CNPY1: variants seen among roughly 807,000 people sequenced by gnomAD.
The protein encoded by CNPY1 is canopy FGF signaling regulator 1, also known as protein canopy homolog 1.
In CNPY1, 14 loss-of-function variants were observed where a neutral mutation model predicts 14.4. That is an observed-to-expected ratio of 0.97 (90% CI 0.64 to 1.52). The LOEUF (loss-of-function observed/expected upper bound fraction) is 1.52, where lower values mean the gene tolerates loss of function less well. Among genes scored for constraint, CNPY1 ranks in the 40% most tolerant of loss-of-function variants. The pLI, the probability that CNPY1 is intolerant of heterozygous loss-of-function variation, is 0.00. For synonymous variants in CNPY1, 43 were observed against 46.5 expected, an observed-to-expected ratio of 0.92 and a Z score of 0.31; for missense variants, 129 against 131.5, an observed-to-expected ratio of 0.98 and a Z score of 0.09.
intron 2 of CNPY1, among the ~76,000 whole-genome samples, chr7:155,538,518 TC>T (rs145308927): frequency 0.027 from 4,115 of 151,270 alleles, 192 homozygotes; most frequent in African/African-American, 0.095. Flanking sequence ...ACTCTGCCCC[TC>T]CTCACGTGCC....
intron 2 of CNPY1, among the ~76,000 whole-genome samples, chr7:155,527,054 C>CTTTCTTTCTTTTTTTTTTTT (rs56296833): frequency 4.4e-5 from 4 of 90,344 alleles, no homozygotes; most frequent in South Asian, 4.3e-4. Context: ...TTCTTTCTTT[C>CTTTCTTTCTTTTTTTTTTTT]TTTTTTTTTT....
intron 2 of CNPY1, among the ~76,000 whole-genome samples, chr7:155,515,512 G>A (rs902417028): frequency 6.6e-6 from 1 of 152,142 alleles, no homozygotes; most frequent in Non-Finnish European, 1.5e-5. Flanking sequence ...CCCGGGGACC[G>A]CAGGGTGTCT....
intron 2 of CNPY1, among the ~76,000 whole-genome samples, chr7:155,521,527 AG>A: frequency 6.6e-6 from 1 of 152,358 alleles, no homozygotes; most frequent in African/African-American, 2.4e-5. Context: ...CTGTCCTCCC[AG>A]CACTTGTGGT....
intron 2 of CNPY1, among the ~76,000 whole-genome samples, chr7:155,537,115 C>T (rs1371131753): frequency 1.3e-5 from 2 of 152,194 alleles, no homozygotes; most frequent in Non-Finnish European, 2.9e-5. Context: ...ACTCCGCATG[C>T]TAACATCTTC....
At chr7:155,512,652 T>G (rs1434031798) in intron 2 of CNPY1, among the ~76,000 whole-genome samples, 1 of 152,244 alleles carries the variant, frequency 6.6e-6, no homozygotes, top group Non-Finnish European at 1.5e-5. Flanking sequence ...TCTCTGTTAA[T>G]CTTGTAGTAA....
intron 2 of CNPY1, among the ~76,000 whole-genome samples, chr7:155,539,447 C>T (rs60369558): frequency 0.27 from 41,305 of 152,086 alleles, 5,700 homozygotes; most frequent in East Asian, 0.29. Flanking sequence ...AGGAAAATTG[C>T]TGATGGACTG....
intron 2 of CNPY1, among the ~76,000 whole-genome samples, chr7:155,520,991 G>A (rs2116715122): frequency 6.6e-6 from 1 of 151,402 alleles, no homozygotes; most frequent in East Asian, 2.0e-4. Flanking sequence ...GCCTGGCGTG[G>A]TGGCACATAT....
chr7:155,506,207 G>A (rs1796301332), intron 4 of CNPY1, among the ~76,000 whole-genome samples: 1 of 152,150 alleles, frequency 6.6e-6, no homozygotes, highest in African/African-American at 2.4e-5. Context: ...TTGTTTAAAA[G>A]TACCCCACTG....
intron 2 of CNPY1, among the ~76,000 whole-genome samples, chr7:155,534,690 C>T (rs1212766869): frequency 6.6e-6 from 1 of 152,240 alleles, no homozygotes; most frequent in African/African-American, 2.4e-5. Flanking sequence ...ACCTCCCCTA[C>T]TGCCCCCACA....
At chr7:155,529,035 T>C (rs1483260959) in intron 2 of CNPY1, among the ~76,000 whole-genome samples, 2 of 147,582 alleles carry the variant, frequency 1.4e-5, no homozygotes, top group African/African-American at 5.1e-5. Flanking sequence ...CACTCCAGCC[T>C]GGGTGACAGA....
At position 155,536,725 on chromosome 7, in the gene CNPY1, G is replaced by A. The variant is rs1266988349; in HGVS notation, c.99+9106C>T. Among the ~76,000 whole-genome samples, 2 of 152,172 alleles carry A rather than the reference G, an allele frequency of 1.3e-5. No individual in the cohort carries two copies. The highest frequency in any genetic ancestry group is 4.8e-5 in the African/African-American group (2 of 41,452). On this transcript the variant is annotated intron_variant, in intron 2 of 4. Transcript: ENST00000636446. This position sits in a 1 kb window ranked among gnomAD's most constrained non-coding sequence, Gnocchi z 4.1. Reference sequence around the variant, plus strand: ...GACAGAAGGGCCTGGGTCCCTGAATGACCAAGTGGAGCAGAGCCCCGTGCC... The same window carrying A: ...GACAGAAGGGCCTGGGTCCCTGAATAACCAAGTGGAGCAGAGCCCCGTGCC...
At chr7:155,509,446 TATCC>T (rs1379465587) in intron 2 of CNPY1, among the ~76,000 whole-genome samples, 2 of 152,102 alleles carry the variant, frequency 1.3e-5, no homozygotes, top group Admixed American at 6.5e-5. Context: ...TGGCAGTTAT[TATCC>T]ATCTACTTGT....
Position 155,502,745 on chromosome 7 carries a change from T to C in CNPY1, c.*323A>G, listed in dbSNP as rs1011154939. 9.4e-5 allele frequency: 31 copies of C among 331,500 alleles called. No homozygotes were observed. Among genetic ancestry groups the C allele is most frequent in the Non-Finnish European group, 1.3e-4 (23 of 180,710 alleles). 20.5% of individuals were successfully genotyped at this position (331,500 alleles called of 1,614,324 possible). ...GTTATAAAATAAGCAGCATACATTA[T>C]GAAATCCCTATTTTGTTTATGAAAT... On this transcript the variant is annotated 3_prime_UTR_variant, in exon 5 of 5. Coordinates refer to ENST00000636446, the MANE Select transcript of CNPY1 (RefSeq NM_001393663.1).
At chr7:155,512,815 A>G (rs1490476674) in intron 2 of CNPY1, among the ~76,000 whole-genome samples, 1 of 152,244 alleles carries the variant, frequency 6.6e-6, no homozygotes, top group Non-Finnish European at 1.5e-5. Flanking sequence ...TCCTTCAGAT[A>G]TGAAACCAGT....
intron 2 of CNPY1, among the ~76,000 whole-genome samples, chr7:155,524,268 A>C (rs1796779826): frequency 6.6e-6 from 1 of 152,224 alleles, no homozygotes; most frequent in African/African-American, 2.4e-5. Context: ...CACCTGCCAA[A>C]GTGTAGATTC....
chr7:155,517,785 C>G (rs1796650683), intron 2 of CNPY1, among the ~76,000 whole-genome samples: 1 of 152,240 alleles, frequency 6.6e-6, no homozygotes, highest in Non-Finnish European at 1.5e-5. Flanking sequence ...TTCTTGTCTT[C>G]TAGCATCCTC....
intron 2 of CNPY1, among the ~76,000 whole-genome samples, chr7:155,529,110 T>C (rs1301360857): frequency 1.3e-5 from 2 of 151,742 alleles, no homozygotes; most frequent in South Asian, 4.2e-4. Context: ...ATGAGTATTC[T>C]GGGCTTCCGA....
chr7:155,533,660 G>A (rs1796982681), intron 2 of CNPY1: 1 of 152,230 alleles, frequency 6.6e-6, no homozygotes, highest in Non-Finnish European at 1.5e-5. Context: ...ACAGCGCCGG[G>A]CGTTATGAAA....
rs951118628 is a variant in CNPY1 at position 155,527,886 on chromosome 7, G to C, written c.99+17945C>G. 1.7e-4 allele frequency among the ~76,000 whole-genome samples: 26 copies of C among 152,350 alleles called. No individual in the cohort carries two copies. The East Asian group carries it at 5.0e-3, about 29-fold the overall frequency. On this transcript the variant is annotated intron_variant, in intron 2 of 4. Transcript: ENST00000636446. ...CCGGCCGCTGCTGGGCCAGTGCAGG[G>C]ATCTCCAGGAGCCTCTCCTGAGGCG...
Sources: allele counts gnomAD v4.1 joint callset (sites outside exome capture counted in the v4.1 genomes callset), GRCh38; gene constraint gnomAD v4.1.1; non-coding constraint Gnocchi (gnomAD v3.1); transcripts MANE v1.5; gene names NCBI Gene and HGNC (gene_info 2026-07-23, HGNC 2026-07-21).